The following CNTN5 variants were observed in gnomAD, a reference collection of about 807,000 sequenced individuals.
The protein encoded by CNTN5 is contactin-5.
A neutral mutation model predicts 129.1 loss-of-function variants in CNTN5; 77 were observed. The ratio of observed to expected loss-of-function variants is 0.60; its 90% confidence interval spans 0.50 to 0.72. The LOEUF is 0.72. Ranked by LOEUF, CNTN5 falls within the 30% of genes least tolerant of loss-of-function variation. The pLI is 0.00. For missense variants in CNTN5, 1,478 were observed against 1,328.8 expected, an observed-to-expected ratio of 1.11 and a Z score of -1.75; for synonymous variants, 509 against 465.6, an observed-to-expected ratio of 1.09 and a Z score of -1.20.
chr11:99,161,391 C>CT (rs539322448), intron 1 of CNTN5, among the ~76,000 whole-genome samples: 26 of 151,090 alleles, frequency 1.7e-4, no homozygotes, highest in South Asian at 6.3e-4. Flanking sequence ...AACTTCTCCA[C>CT]TTTTTTTTTA....
At chr11:99,410,104 T>C (rs2135003695) in intron 2 of CNTN5, among the ~76,000 whole-genome samples, 1 of 152,280 alleles carries the variant, frequency 6.6e-6, no homozygotes, top group East Asian at 1.9e-4. Context: ...ATTTATAAGA[T>C]GATTATCAAA....
At chr11:99,578,538 G>A (rs1949447080) in intron 3 of CNTN5, among the ~76,000 whole-genome samples, 2 of 150,858 alleles carry the variant, frequency 1.3e-5, no homozygotes, top group Admixed American at 6.6e-5. Context: ...GTGTCAGATG[G>A]TATCTCACTG....
chr11:99,220,243 C>T lies in CNTN5; in HGVS notation c.-209-105103C>T, dbSNP rs193108821. On this transcript the variant is annotated intron_variant, in intron 1 of 24. Coordinates refer to ENST00000524871, the MANE Select transcript of CNTN5 (RefSeq NM_014361.4). Reference sequence around the variant, plus strand: ...ATTACAGGTCACTAACACTTGCTAACTTGAAATAAAACATGATTTTTATTA... The same window carrying T: ...ATTACAGGTCACTAACACTTGCTAATTTGAAATAAAACATGATTTTTATTA... Among the ~76,000 whole-genome samples the T allele has an allele frequency of 5.4e-3, 827 of 152,104 alleles. 5 individuals carry two copies. Among genetic ancestry groups the T allele is most frequent in the Non-Finnish European group, 8.2e-3 (560 of 67,896 alleles).
At chr11:99,911,100 T>G (rs1013087617) in intron 6 of CNTN5, among the ~76,000 whole-genome samples, 72 of 152,228 alleles carry the variant, frequency 4.7e-4, no homozygotes, top group African/African-American at 1.4e-3. Context: ...TCAAATGTAA[T>G]TAATGAAACT....
At chr11:99,469,194 A>T (rs1481620958) in intron 2 of CNTN5, among the ~76,000 whole-genome samples, 2 of 152,160 alleles carry the variant, frequency 1.3e-5, no homozygotes, top group African/African-American at 4.8e-5. Flanking sequence ...TATTATCAAT[A>T]AGCAATTCAT....
chr11:99,867,168 C>G (rs1180990146), intron 6 of CNTN5, among the ~76,000 whole-genome samples: 1 of 152,204 alleles, frequency 6.6e-6, no homozygotes, highest in East Asian at 1.9e-4. Context: ...CATGTTGCAT[C>G]TTGCAGTCAA....
intron 13 of CNTN5, among the ~76,000 whole-genome samples, chr11:100,133,888 C>T (rs1164311271): frequency 6.6e-6 from 1 of 152,022 alleles, no homozygotes; most frequent in Admixed American, 6.6e-5. Context: ...CCCTCAAATT[C>T]AATTTATAAT....
intron 7 of CNTN5, among the ~76,000 whole-genome samples, chr11:99,921,086 A>G (rs1949927672): frequency 6.6e-6 from 1 of 152,202 alleles, no homozygotes; most frequent in Non-Finnish European, 1.5e-5. Context: ...GCTGTCACCT[A>G]ATCCCAGACT....
At chr11:100,205,344 T>G (rs563292275) in intron 15 of CNTN5, among the ~76,000 whole-genome samples, 4 of 152,070 alleles carry the variant, frequency 2.6e-5, no homozygotes, top group African/African-American at 7.2e-5. Flanking sequence ...TTTATCATAT[T>G]ACAGCACAAA....
At chr11:100,234,454 C>T (rs1763230159) in intron 16 of CNTN5, among the ~76,000 whole-genome samples, 1 of 152,144 alleles carries the variant, frequency 6.6e-6, no homozygotes, top group Non-Finnish European at 1.5e-5. Context: ...CCATGGAATA[C>T]TATACAGCCG....
rs1481835961 is a variant in CNTN5 at position 99,629,272 on chromosome 11, A to G, written c.55+73003A>G. 2.0e-5 allele frequency among the ~76,000 whole-genome samples: 3 copies of G among 152,076 alleles called. No individual in the cohort carries two copies. The South Asian group carries it at 6.2e-4, about 31-fold the overall frequency. On this transcript the variant is annotated intron_variant, in intron 3 of 24. Transcript: ENST00000524871. ...TGTTCCTTTGCTTTAGAAACTTCAG[A>G]TAAGAAATAACTAATTTAAAACAAT...
intron 3 of CNTN5, among the ~76,000 whole-genome samples, chr11:99,598,630 T>C (rs1177999603): frequency 1.3e-5 from 2 of 151,664 alleles, no homozygotes; most frequent in Non-Finnish European, 2.9e-5. Context: ...GCTTTTTTTT[T>C]TTTCTCATAT....
At chr11:99,459,118 T>C (rs886663878) in intron 2 of CNTN5, among the ~76,000 whole-genome samples, 4 of 152,002 alleles carry the variant, frequency 2.6e-5, no homozygotes, top group African/African-American at 9.7e-5. Context: ...AAGGAAAATA[T>C]ATCCCAGGGG....
intron 2 of CNTN5, among the ~76,000 whole-genome samples, chr11:99,440,498 T>A (rs1031870795): frequency 6.6e-6 from 1 of 152,162 alleles, no homozygotes. Flanking sequence ...TCTAATCCAC[T>A]GTGCTTTCTG....
At chr11:99,327,055 C>G (rs1370048956) in intron 2 of CNTN5, among the ~76,000 whole-genome samples, 14 of 152,058 alleles carry the variant, frequency 9.2e-5, no homozygotes, top group Admixed American at 9.2e-4. Context: ...ACAAATCAAA[C>G]TCTATATTTT....
intron 8 of CNTN5, among the ~76,000 whole-genome samples, chr11:99,969,143 T>C (rs1359799991): frequency 1.3e-5 from 2 of 151,236 alleles, no homozygotes; most frequent in Non-Finnish European, 3.0e-5. Flanking sequence ...GAATTTTTTA[T>C]CAGATAAAAC....
intron 13 of CNTN5, among the ~76,000 whole-genome samples, chr11:100,094,025 C>G (rs2138016278): frequency 6.6e-6 from 1 of 152,160 alleles, no homozygotes; most frequent in Middle Eastern, 3.4e-3. Flanking sequence ...TACCTGAAAC[C>G]AGACATATTT....
chr11:99,324,192 A>G (rs1865688824), intron 1 of CNTN5, among the ~76,000 whole-genome samples: 2 of 152,220 alleles, frequency 1.3e-5, no homozygotes, highest in Admixed American at 1.3e-4. Context: ...AACTACAAGC[A>G]ACTGAAATAC....
rs115210574 is a variant in CNTN5, at chr11:100,253,490, C to T, written c.2006-2270C>T. Among the ~76,000 whole-genome samples, 604 of 152,130 alleles carry T rather than the reference C, an allele frequency of 4.0e-3. 1 individual carries two copies. Among genetic ancestry groups the T allele is most frequent in the African/African-American group, 0.014 (569 of 41,508 alleles). Reference sequence around the variant, plus strand: ...GATAACAATGCCCACCTCCCAGTGACGAAGAAGTAAATGAACAATTTAATG... The same window carrying T: ...GATAACAATGCCCACCTCCCAGTGATGAAGAAGTAAATGAACAATTTAATG... On this transcript the variant is annotated intron_variant, in intron 16 of 24. Transcript: ENST00000524871.
Sources: allele counts gnomAD v4.1 joint callset (sites outside exome capture counted in the v4.1 genomes callset), GRCh38; gene constraint gnomAD v4.1.1; transcripts MANE v1.5; gene names NCBI Gene and HGNC (gene_info 2026-07-23, HGNC 2026-07-21).